RTN1: variants seen among roughly 807,000 people sequenced by gnomAD.
RTN1 encodes reticulon 1.
In RTN1, 25 loss-of-function variants were observed where a neutral mutation model predicts 65.5. The ratio of observed to expected loss-of-function variants is 0.38; its 90% CI spans 0.28 to 0.53. The LOEUF (loss-of-function observed/expected upper bound fraction) is 0.53, where lower values mean the gene tolerates loss of function less well. Among genes scored for constraint, RTN1 ranks in the 20% least tolerant of loss-of-function variants. The pLI is 0.79. For missense variants in RTN1, 983 were observed against 1,025.4 expected (o/e 0.96, Z 0.57); for synonymous variants, 471 against 447.6 (o/e 1.05, Z -0.66).
At chr14:59,644,277 A>G (rs1882842976) in intron 3 of RTN1, among the ~76,000 whole-genome samples, 1 of 152,226 alleles carries the variant, frequency 6.6e-6, no homozygotes. Flanking sequence ...AGAATGGAGA[A>G]AGGCAAGGCA....
At chr14:59,672,418 A>G (rs1194805225) in intron 3 of RTN1, among the ~76,000 whole-genome samples, 1 of 152,156 alleles carries the variant, frequency 6.6e-6, no homozygotes, top group Non-Finnish European at 1.5e-5. Flanking sequence ...TCAAATTCCA[A>G]GGATAATTAT....
chr14:59,865,587 TGG>T (rs2139680127), intron 1 of RTN1, among the ~76,000 whole-genome samples: 1 of 152,254 alleles, frequency 6.6e-6, no homozygotes, highest in Non-Finnish European at 1.5e-5. Flanking sequence ...CCACAAACAG[TGG>T]GCCTCTCTGG....
In RTN1 at chr14:59,671,319, C is replaced by T. The variant is rs1001295875; in HGVS notation, c.1765+55600G>A. Among the ~76,000 whole-genome samples, 14 of 152,298 alleles carry T rather than the reference C, an allele frequency of 9.2e-5. No individual in the cohort carries two copies. In the East Asian group the frequency reaches 1.2e-3, roughly 13 times the overall value. ...TAAACCCCTATTAGCTATAGGCCCA[C>T]GATCCAGAGTTCTTGAAGAAATTCT... On this transcript the variant is annotated intron_variant, in intron 3 of 8. Coordinates refer to ENST00000267484, the MANE Select transcript of RTN1 (RefSeq NM_021136.3).
chr14:59,694,044 G>A (rs755336106), intron 3 of RTN1, among the ~76,000 whole-genome samples: 5 of 152,144 alleles, frequency 3.3e-5, no homozygotes, highest in Non-Finnish European at 7.3e-5. Context: ...TAAAGGAGAT[G>A]TATCTGAAAA....
At chr14:59,760,553 G>C (rs914951724) in intron 1 of RTN1, among the ~76,000 whole-genome samples, 2 of 152,204 alleles carry the variant, frequency 1.3e-5, no homozygotes, top group Non-Finnish European at 1.5e-5. Flanking sequence ...ATGATAGTAA[G>C]AGTGTTGCAC....
intron 3 of RTN1, among the ~76,000 whole-genome samples, chr14:59,684,695 CCTT>C (rs1376025724): frequency 6.6e-6 from 1 of 151,986 alleles, no homozygotes; most frequent in Non-Finnish European, 1.5e-5. Flanking sequence ...AGGATTACCT[CCTT>C]GAGATTTTTT....
intron 1 of RTN1, among the ~76,000 whole-genome samples, chr14:59,831,440 T>C (rs1297575765): frequency 1.3e-5 from 2 of 152,146 alleles, no homozygotes; most frequent in Non-Finnish European, 2.9e-5. Flanking sequence ...AACTGAAACA[T>C]TGGCTCTCTT....
At chr14:59,670,445 G>A (rs1441307574) in intron 3 of RTN1, among the ~76,000 whole-genome samples, 2 of 152,198 alleles carry the variant, frequency 1.3e-5, no homozygotes, top group African/African-American at 2.4e-5. Flanking sequence ...AACTCTTGTG[G>A]TATAAAATAA....
intron 3 of RTN1, among the ~76,000 whole-genome samples, chr14:59,704,576 C>T (rs1884251551): frequency 6.6e-6 from 1 of 152,166 alleles, no homozygotes; most frequent in South Asian, 2.1e-4. Context: ...GACAGGGTGT[C>T]CCTACATCAG....
In RTN1 at chr14:59,727,082, G is replaced by C. The variant is rs752200261; in HGVS notation, c.1602C>G (p.Pro534=). ...DYPSTEPQPG[P]ELPPGDGALE... ...GGGCTCCGTCTCCAGGGGGCAGCTC[G>C]GGGCCAGGCTGGGGCTCAGTTGAGG... Residue 534 remains proline, a synonymous_variant, in exon 3 of 9, where the codon CCC becomes CCG. Coordinates refer to ENST00000267484, the MANE Select transcript of RTN1 (RefSeq NM_021136.3). The surrounding 1 kb of genome is among the most constrained non-coding windows in gnomAD (Gnocchi z 4.2). 6.2e-7 allele frequency: 1 copy of C among 1,611,866 alleles called. No homozygotes were observed.
intron 1 of RTN1, among the ~76,000 whole-genome samples, chr14:59,761,878 C>T (rs753681984): frequency 7.9e-5 from 12 of 152,196 alleles, no homozygotes; most frequent in Admixed American, 3.9e-4. Context: ...ATTGAACATG[C>T]GTCTCTGGGA....
At chr14:59,785,480 G>A (rs1022720415) in intron 1 of RTN1, among the ~76,000 whole-genome samples, 3 of 152,070 alleles carry the variant, frequency 2.0e-5, no homozygotes, top group Non-Finnish European at 4.4e-5. Context: ...CTGGTACTTT[G>A]TCTCTACCTA....
intron 1 of RTN1, among the ~76,000 whole-genome samples, chr14:59,827,336 C>T (rs2139636196): frequency 6.6e-6 from 1 of 152,260 alleles, no homozygotes; most frequent in Admixed American, 6.5e-5. Flanking sequence ...CCTCGGCCTC[C>T]CAAAGTGCTG....
chr14:59,765,157 C>T (rs1444446455), intron 1 of RTN1, among the ~76,000 whole-genome samples: 4 of 151,724 alleles, frequency 2.6e-5, no homozygotes, highest in Non-Finnish European at 5.9e-5. Flanking sequence ...GAGTAGGATT[C>T]AATAATGCAA....
intron 1 of RTN1, among the ~76,000 whole-genome samples, chr14:59,793,988 T>C (rs1886397643): frequency 6.6e-6 from 1 of 152,174 alleles, no homozygotes; most frequent in African/African-American, 2.4e-5. Flanking sequence ...GAACATTGTC[T>C]GGATGCCTCC....
intron 1 of RTN1, among the ~76,000 whole-genome samples, chr14:59,818,917 A>G (rs1157127590): frequency 1.3e-5 from 2 of 152,238 alleles, no homozygotes; most frequent in Non-Finnish European, 2.9e-5. Flanking sequence ...GACTTCAACA[A>G]TGAAGACGCG....
At position 59,824,464 on chromosome 14, in the gene RTN1, T is replaced by G. The variant is rs77606106; in HGVS notation, c.241+45926A>C. ...TGTAGAGGGTGGAGAGTTCACTCTT[T>G]GATTCACAATCATTTCCTAAAATTG... On this transcript the variant is annotated intron_variant, in intron 1 of 8. Transcript: ENST00000267484. Among the ~76,000 whole-genome samples, 392 of 152,322 alleles carry G rather than the reference T, an allele frequency of 2.6e-3. 2 individuals are homozygous for G. The highest frequency in any genetic ancestry group is 8.1e-3 in the African/African-American group (335 of 41,570).
In RTN1 at chr14:59,640,044, T is replaced by C. The variant is rs1882744539; in HGVS notation, c.1766-32552A>G. Among the ~76,000 whole-genome samples, 3 of 152,204 alleles carry C rather than the reference T, an allele frequency of 2.0e-5. No individual in the cohort carries two copies. The South Asian group carries it at 6.2e-4, about 31-fold the overall frequency. ...GATAGCTTAGATTTTTGTATTAGGT[T>C]TATACTGGCCTCACAAAGCAAGTTA... is the stretch of plus-strand genomic sequence containing the variant. On this transcript the variant is annotated intron_variant, in intron 3 of 8. Coordinates refer to ENST00000267484, the MANE Select transcript of RTN1 (RefSeq NM_021136.3).
intron 1 of RTN1, among the ~76,000 whole-genome samples, chr14:59,788,874 T>C (rs188636884): frequency 4.1e-4 from 63 of 152,268 alleles, no homozygotes; most frequent in African/African-American, 1.5e-3. Context: ...AAGGATGCAT[T>C]GATTTCAGTT....
Sources: allele counts gnomAD v4.1 joint callset (sites outside exome capture counted in the v4.1 genomes callset), GRCh38; gene constraint gnomAD v4.1.1; non-coding constraint Gnocchi (gnomAD v3.1); transcripts MANE v1.5; gene names NCBI Gene and HGNC (gene_info 2026-07-23, HGNC 2026-07-21).